The following CRTAC1 variants were observed in gnomAD, a reference collection of about 807,000 sequenced individuals.
The protein encoded by CRTAC1 is acidic secreted protein in cartilage.
Under a neutral mutation model 67.8 loss-of-function variants are expected in CRTAC1, and 37 were observed. The ratio of observed to expected loss-of-function variants is 0.55; its 90% CI spans 0.42 to 0.72. The LOEUF (loss-of-function observed/expected upper bound fraction) is 0.72. Among genes scored for constraint, CRTAC1 ranks in the 30% least tolerant of loss-of-function variants. CRTAC1 has a pLI of 0.00. For missense variants in CRTAC1, 780 were observed against 931.6 expected (o/e 0.84, Z 2.12); for synonymous variants, 348 against 371.0 (o/e 0.94, Z 0.71).
chr10:97,952,192 A>T (rs1449995582), intron 2 of CRTAC1, among the ~76,000 whole-genome samples: 1 of 151,884 alleles, frequency 6.6e-6, no homozygotes, highest in Non-Finnish European at 1.5e-5. Context: ...CTCTACTAAA[A>T]ATACAAAAAA....
chr10:97,993,151 A>C (rs1432364957), intron 2 of CRTAC1, among the ~76,000 whole-genome samples: 2 of 152,208 alleles, frequency 1.3e-5, no homozygotes, highest in Non-Finnish European at 2.9e-5. Flanking sequence ...TTAGGAACCG[A>C]GAAGAACCAG....
intron 2 of CRTAC1, among the ~76,000 whole-genome samples, chr10:97,964,182 T>C (rs1343268438): frequency 2.0e-5 from 3 of 152,196 alleles, no homozygotes; most frequent in Non-Finnish European, 4.4e-5. Context: ...GCCAGTGCAT[T>C]ACGCTGGGTG....
At chr10:97,885,960 T>C (rs2050277858) in intron 11 of CRTAC1, among the ~76,000 whole-genome samples, 1 of 152,264 alleles carries the variant, frequency 6.6e-6, no homozygotes, top group African/African-American at 2.4e-5. Flanking sequence ...CATTTGGTCA[T>C]TACTATCCAC....
intron 2 of CRTAC1, among the ~76,000 whole-genome samples, chr10:97,979,655 G>T (rs1009975930): frequency 3.9e-5 from 6 of 152,190 alleles, no homozygotes; most frequent in Non-Finnish European, 8.8e-5. Context: ...AGCTGAGGCA[G>T]CAGAGCGGTG....
At chr10:97,960,563 ATGGTCTTGGTTTGCCTT>A (rs1564912931) in intron 2 of CRTAC1, among the ~76,000 whole-genome samples, 1 of 152,150 alleles carries the variant, frequency 6.6e-6, no homozygotes, top group East Asian at 1.9e-4. Flanking sequence ...TCTCCCATCT[ATGGTCTTGGTTTGCCTT>A]TTACAATTCT....
At chr10:98,026,431 A>G (rs369985397) in intron 1 of CRTAC1, among the ~76,000 whole-genome samples, 21 of 152,334 alleles carry the variant, frequency 1.4e-4, no homozygotes, top group African/African-American at 4.8e-4. Flanking sequence ...TTCAAACAAA[A>G]GTCCAGAGAG....
intron 2 of CRTAC1, among the ~76,000 whole-genome samples, chr10:97,992,910 A>C (rs758367789): frequency 2.7e-4 from 41 of 152,256 alleles, no homozygotes; most frequent in Admixed American, 1.1e-3. Context: ...TGTATTCTCC[A>C]AAATCACTAA....
At chr10:97,977,710 T>A (rs1238106097) in intron 2 of CRTAC1, among the ~76,000 whole-genome samples, 1 of 152,168 alleles carries the variant, frequency 6.6e-6, no homozygotes, top group African/African-American at 2.4e-5. Context: ...GAAACATAAC[T>A]GAGAAATGTT....
chr10:97,918,596 G>A (rs1424594108), intron 4 of CRTAC1, among the ~76,000 whole-genome samples: 5 of 152,164 alleles, frequency 3.3e-5, no homozygotes, highest in Admixed American at 1.3e-4. Context: ...GTCCCTGACC[G>A]TAGGTTGCTT....
chr10:97,886,198 C>G (rs970230213), intron 11 of CRTAC1, among the ~76,000 whole-genome samples: 2 of 152,186 alleles, frequency 1.3e-5, no homozygotes, highest in African/African-American at 4.8e-5. Context: ...GAGGGAGTTA[C>G]GCCTTGTGAG....
chr10:97,865,580 C>G lies in CRTAC1; in HGVS notation c.1954G>C (p.Val652Leu), dbSNP rs1274737189. The change falls in exon 15 of 15, where the codon GTG (valine) becomes CTG (leucine). Residue 652 changes from valine (V) to leucine (L), a missense_variant. Transcript: ENST00000370597. ...CTGGGCTCGCAGCTCTCCTTAACCA[C>G]CGACCCCAGATTGAGATCTCCATCT... ...LVDGDLNLGS[V>L]VKESCEPSC The G allele has an allele frequency of 6.2e-7, 1 of 1,612,836 alleles. No homozygotes were observed.
chr10:97,972,377 G>T (rs2051729729), intron 2 of CRTAC1, among the ~76,000 whole-genome samples: 1 of 152,188 alleles, frequency 6.6e-6, no homozygotes, highest in Admixed American at 6.5e-5. Flanking sequence ...GCAAATGCCT[G>T]AATGGTCCAT....
chr10:97,980,729 C>T (rs2051880129), intron 2 of CRTAC1, among the ~76,000 whole-genome samples: 1 of 152,214 alleles, frequency 6.6e-6, no homozygotes, highest in Non-Finnish European at 1.5e-5. Flanking sequence ...TCAGAGAAGT[C>T]TGGCACAAAT....
chr10:97,929,133 T>A (rs7099497), intron 3 of CRTAC1, among the ~76,000 whole-genome samples: 3,470 of 151,988 alleles, frequency 0.023, 125 homozygotes, highest in African/African-American at 0.078. Context: ...GCAGGGACAC[T>A]GAGCTTACTG....
chr10:97,920,915 C>T (rs1037807643), intron 4 of CRTAC1, among the ~76,000 whole-genome samples: 1 of 152,054 alleles, frequency 6.6e-6, no homozygotes, highest in African/African-American at 2.4e-5. Flanking sequence ...GAGCTGGATC[C>T]AGAAAGGTGG....
intron 1 of CRTAC1, among the ~76,000 whole-genome samples, chr10:98,024,746 CTTTTTTTTTTTTTTTT>C (rs749919406): frequency 4.6e-5 from 3 of 65,024 alleles, no homozygotes; most frequent in Admixed American, 3.9e-4. Flanking sequence ...TTATATTATC[CTTTTTTTTTTTTTTTT>C]TTTTTTTTTT....
chr10:97,964,465 G>T (rs1266687920), intron 2 of CRTAC1, among the ~76,000 whole-genome samples: 1 of 152,214 alleles, frequency 6.6e-6, no homozygotes, highest in Non-Finnish European at 1.5e-5. Context: ...CTCTTAAAAA[G>T]ATTGAGGTGG....
Position 97,865,404 on chromosome 10 carries a change from T to G in CRTAC1, c.*144A>C. ...GGCCTGGCCTTACGAGTCTCCCTAA[T>G]TGTTAGCTAAGTAATGTGCATGGAT... On this transcript the variant is annotated 3_prime_UTR_variant, in exon 15 of 15. Coordinates refer to ENST00000370597, the MANE Select transcript of CRTAC1 (RefSeq NM_018058.7). 2 of 983,416 alleles carry G rather than the reference T, an allele frequency of 2.0e-6. No homozygotes were observed. The highest frequency in any genetic ancestry group is 1.6e-5 in the African/African-American group (1 of 61,568). 60.9% of individuals were successfully genotyped at this position (983,416 alleles called of 1,614,324 possible). A position where few individuals can be genotyped will look rare whatever the true frequency, so the allele number is the denominator to read the frequency against.
chr10:97,974,998 C>T (rs982248937), intron 2 of CRTAC1, among the ~76,000 whole-genome samples: 26 of 151,706 alleles, frequency 1.7e-4, no homozygotes, highest in African/African-American at 6.1e-4. Flanking sequence ...AGGAGGAGAC[C>T]GGAGAACGTG....
Sources: allele counts gnomAD v4.1 joint callset (sites outside exome capture counted in the v4.1 genomes callset), GRCh38; gene constraint gnomAD v4.1.1; transcripts MANE v1.5; gene names NCBI Gene and HGNC (gene_info 2026-07-23, HGNC 2026-07-21).